TMC1: variants seen among roughly 807,000 people sequenced by gnomAD.
TMC1 encodes transmembrane channel-like protein 1.
In TMC1, 84 loss-of-function variants were observed where a neutral mutation model predicts 105.8. That is an observed-to-expected ratio of 0.79 (90% CI 0.67 to 0.95). TMC1 has a LOEUF of 0.95. Among genes scored for constraint, TMC1 ranks in the 40% least tolerant of loss-of-function variants. The pLI is 0.00. For missense variants in TMC1, 817 were observed against 914.1 expected (o/e 0.89, Z 1.37); for synonymous variants, 315 against 311.5 (o/e 1.01, Z -0.12).
intron 2 of TMC1, among the ~76,000 whole-genome samples, chr9:72,609,764 G>T (rs997764005): frequency 2.0e-5 from 3 of 151,962 alleles, no homozygotes; most frequent in African/African-American, 7.3e-5. Context: ...TTCCACATCT[G>T]ATTCAAGCAC....
intron 4 of TMC1, among the ~76,000 whole-genome samples, chr9:72,648,059 G>GTAAT (rs764167299): frequency 4.6e-5 from 7 of 152,290 alleles, no homozygotes; most frequent in Admixed American, 2.6e-4. Flanking sequence ...TTTCAGAAAA[G>GTAAT]TTGAGAAAAT....
intron 8 of TMC1, among the ~76,000 whole-genome samples, chr9:72,735,864 C>G (rs1827289578): frequency 6.6e-6 from 1 of 152,154 alleles, no homozygotes; most frequent in South Asian, 2.1e-4. Flanking sequence ...ACCTTCTGCC[C>G]CCTGGCTTTA....
intron 15 of TMC1, 106 bp from the exon 16 acceptor site, chr9:72,791,780 A>C: frequency 2.1e-6 from 2 of 944,182 alleles, no homozygotes; most frequent in Non-Finnish European, 3.4e-6. Context: ...TTTTAGTCTT[A>C]AAAAAGATCA....
chr9:72,786,011 A>T (rs1828162174), intron 13 of TMC1, among the ~76,000 whole-genome samples: 1 of 152,198 alleles, frequency 6.6e-6, no homozygotes. Context: ...AGGCTACATT[A>T]TAGTGACCCT....
At chr9:72,798,825 T>C in intron 17 of TMC1, among the ~76,000 whole-genome samples, 1 of 151,996 alleles carries the variant, frequency 6.6e-6, no homozygotes, top group African/African-American at 2.4e-5. Flanking sequence ...CATGTACTAC[T>C]AAACCTAAAA....
At chr9:72,632,823 A>T (rs1169230282) in intron 4 of TMC1, among the ~76,000 whole-genome samples, 1 of 152,218 alleles carries the variant, frequency 6.6e-6, no homozygotes, top group African/African-American at 2.4e-5. Flanking sequence ...AAAGAAACCA[A>T]AATTAAACTC....
intron 2 of TMC1, among the ~76,000 whole-genome samples, chr9:72,614,927 G>A (rs35460188): frequency 0.028 from 4,213 of 152,158 alleles, 109 homozygotes; most frequent in Non-Finnish European, 0.042. Context: ...CAATCCACCC[G>A]CCTTGGCTTC....
chr9:72,815,792 C>T (rs537821431), intron 18 of TMC1, among the ~76,000 whole-genome samples: 12 of 152,198 alleles, frequency 7.9e-5, no homozygotes, highest in Non-Finnish European at 4.4e-5. Flanking sequence ...TAGAAGTTTT[C>T]TTACAGAATC....
intron 8 of TMC1, among the ~76,000 whole-genome samples, chr9:72,732,935 C>T (rs368246882): frequency 6.6e-6 from 1 of 152,250 alleles, no homozygotes. Flanking sequence ...CTCTTGCTGC[C>T]GTCACTGTTG....
At chr9:72,756,812 T>G (rs1004453811) in intron 12 of TMC1, among the ~76,000 whole-genome samples, 2 of 152,138 alleles carry the variant, frequency 1.3e-5, no homozygotes, top group African/African-American at 4.8e-5. Flanking sequence ...AAAATGTCCA[T>G]TTGAGATTTG....
chr9:72,546,611 C>T (rs1246686743), intron 1 of TMC1, among the ~76,000 whole-genome samples: 2 of 152,202 alleles, frequency 1.3e-5, no homozygotes, highest in South Asian at 2.1e-4. Flanking sequence ...TCCACCAGTT[C>T]TCTGCACTGA....
chr9:72,573,674 AAC>A (rs1824326136), intron 1 of TMC1, among the ~76,000 whole-genome samples: 1 of 152,266 alleles, frequency 6.6e-6, no homozygotes, highest in African/African-American at 2.4e-5. Context: ...CTCGGAGAAA[AAC>A]AGACTCATTT....
chr9:72,708,014 A>AT (rs1395622201), intron 8 of TMC1, among the ~76,000 whole-genome samples: 1 of 152,134 alleles, frequency 6.6e-6, no homozygotes, highest in Non-Finnish European at 1.5e-5. Flanking sequence ...TGTTGAATGA[A>AT]TAGGGTGTCT....
chr9:72,712,508 T>G (rs1826852843), intron 8 of TMC1, among the ~76,000 whole-genome samples: 1 of 152,176 alleles, frequency 6.6e-6, no homozygotes. Context: ...GATTCCTAGG[T>G]ATTTTATTCA....
chr9:72,705,068 GT>G (rs1376000680), intron 8 of TMC1, among the ~76,000 whole-genome samples: 1 of 152,130 alleles, frequency 6.6e-6, no homozygotes, highest in African/African-American at 2.4e-5. Flanking sequence ...AGTATAATCT[GT>G]TTTTAAGCTG....
intron 10 of TMC1, 31 bp from the exon 11 acceptor site, chr9:72,751,819 C>A (rs549448535): frequency 7.0e-7 from 1 of 1,433,160 alleles, no homozygotes; most frequent in African/African-American, 1.4e-5. Flanking sequence ...GCTTTGATCT[C>A]TCTTCAAACT....
intron 2 of TMC1, among the ~76,000 whole-genome samples, chr9:72,578,590 C>T (rs1227595477): frequency 6.6e-6 from 1 of 152,102 alleles, no homozygotes; most frequent in African/African-American, 2.4e-5. Flanking sequence ...ACAGACTTTG[C>T]CGTAGGACTG....
At chr9:72,723,819 T>C (rs2117955893) in intron 8 of TMC1, among the ~76,000 whole-genome samples, 1 of 152,362 alleles carries the variant, frequency 6.6e-6, no homozygotes, top group African/African-American at 2.4e-5. Context: ...TAATCTTTCT[T>C]AGTTATGCAT....
At chr9:72,603,956 T>C (rs1824868505) in intron 2 of TMC1, among the ~76,000 whole-genome samples, 1 of 144,498 alleles carries the variant, frequency 6.9e-6, no homozygotes, top group Admixed American at 7.2e-5. Context: ...AACTTCTGCC[T>C]CCTGGGTTCA....
Sources: gnomAD v4.1 joint callset for allele counts (sites outside exome capture counted in the v4.1 genomes callset) on GRCh38, gnomAD v4.1.1 for gene constraint, MANE v1.5 for transcripts, NCBI Gene and HGNC (gene_info 2026-07-23, HGNC 2026-07-21) for gene names.